Variants in IL4R observed in about 807,000 individuals in gnomAD.
IL4R encodes interleukin 4 receptor.
IL4R carries 17 observed loss-of-function variants against 41.5 expected under a neutral mutation model. The observed-to-expected ratio is 0.41, with a 90% confidence interval of 0.28 to 0.61. The LOEUF is 0.61. Ranked by LOEUF, IL4R falls within the 20% of genes least tolerant of loss-of-function variation. IL4R has a pLI of 0.31. For synonymous variants in IL4R, 402 were observed against 422.9 expected (o/e 0.95, Z 0.61); for missense variants, 974 against 1,043.1 (o/e 0.93, Z 0.91).
Position 27,352,629 on chromosome 16 carries a change from G to A in IL4R, c.603G>A (p.Val201=), listed in dbSNP as rs776870422. 9 of 1,614,208 alleles carry A rather than the reference G, an allele frequency of 5.6e-6. No individual in the cohort carries two copies. The highest frequency in any genetic ancestry group is 7.6e-6 in the Non-Finnish European group (9 of 1,180,020). ...CTGGGATTTCCTACAGGGCACGGGT[G>A]AGGGCCTGGGCTCAGTGCTATAACA... The part of the protein sequence containing the change: ...LKSGISYRAR[V]RAWAQCYNTT... The change falls in exon 7 of 11, where the codon GTG becomes GTA. Residue 201 remains valine, a synonymous_variant. Transcript: ENST00000395762.
chr16:27,348,446 C>T (rs1038953189), intron 6 of IL4R, among the ~76,000 whole-genome samples: 3 of 152,188 alleles, frequency 2.0e-5, no homozygotes, highest in Admixed American at 6.5e-5. Context: ...ATTTCTAGAT[C>T]TGCCTTCAGG....
At chr16:27,336,001 G>A (rs1461369903) in intron 2 of IL4R, among the ~76,000 whole-genome samples, 2 of 152,084 alleles carry the variant, frequency 1.3e-5, no homozygotes, top group African/African-American at 4.8e-5. Context: ...GCACACTGAG[G>A]TATTGGGGTA....
At chr16:27,314,140 A>T in intron 1 of IL4R, 120 bp downstream of exon 1, 1 of 950,094 alleles carries the variant, frequency 1.1e-6, no homozygotes, top group Non-Finnish European at 1.3e-6. Flanking sequence ...CCCGACTCCG[A>T]GCGGGGCCCG....
In IL4R at chr16:27,345,325, T is replaced by C; in HGVS notation, c.361+305T>C. The C allele has an allele frequency of 2.0e-6, 1 of 490,696 alleles. No homozygotes were observed. Among genetic ancestry groups the C allele is most frequent in the Non-Finnish European group, 3.9e-6 (1 of 254,638 alleles). The allele number at this position is 490,696 out of a possible 1,614,324, so 30.4% of individuals were successfully genotyped here. On this transcript the variant is annotated intron_variant, in intron 5 of 10. Transcript: ENST00000395762. This position sits in a 1 kb window ranked among gnomAD's most constrained non-coding sequence, Gnocchi z 4.5. Reference sequence around the variant, plus strand: ...TGCTGGAAGGCATGCCTGCTGCTGATTGAAAACCGAACTGGGAACATTCCT... The same window carrying C: ...TGCTGGAAGGCATGCCTGCTGCTGACTGAAAACCGAACTGGGAACATTCCT...
At position 27,363,346 on chromosome 16, in the gene IL4R, C is replaced by T. The variant is rs372491173; in HGVS notation, c.1994C>T (p.Pro665Leu). ...FGLDREPPRS[P>L]QSSHLPSSSP... ...CTGGACAGGGAGCCACCTCGCAGTC[C>T]GCAGAGCTCACATCTCCCAAGCAGC... is the stretch of plus-strand genomic sequence containing the variant. Residue 665 changes from proline to leucine, a missense_variant, in exon 11 of 11, where the codon CCG becomes CTG. Physicochemically the swap from Pro to Leu is moderately conservative, Grantham distance 98. Transcript: ENST00000395762. 5.5e-5 allele frequency: 88 copies of T among 1,613,838 alleles called. No homozygotes were observed. The highest frequency in any genetic ancestry group is 2.9e-4 in the East Asian group (13 of 44,886).
intron 2 of IL4R, among the ~76,000 whole-genome samples, chr16:27,338,257 G>A (rs1431926372): frequency 6.6e-6 from 1 of 150,814 alleles, no homozygotes. Flanking sequence ...TTTATGACAG[G>A]GTCTTGCTGG....
chr16:27,337,884 TATGTACCA>T (rs1371109279), intron 2 of IL4R, among the ~76,000 whole-genome samples: 1 of 151,660 alleles, frequency 6.6e-6, no homozygotes, highest in Non-Finnish European at 1.5e-5. Flanking sequence ...TATTTGACGT[TATGTACCA>T]GGAGTGCTGG....
At chr16:27,337,924 C>T (rs1357204323) in intron 2 of IL4R, among the ~76,000 whole-genome samples, 6 of 150,722 alleles carry the variant, frequency 4.0e-5, no homozygotes, top group African/African-American at 7.3e-5. Context: ...CACTTGACTC[C>T]GTGAGATTCT....
chr16:27,362,745 C>A lies in IL4R; in HGVS notation c.1393C>A (p.Leu465Ile), dbSNP rs1322247859. ...ACCTCCCTGGGGCAAGGAGCAGCCT[C>A]TCCACCTGGAGCCAAGTCCTCCTGC... ...EAPPWGKEQP[L>I]HLEPSPPASP... is the part of the protein sequence containing the mutation. The change falls in exon 11 of 11, where the codon CTC (leucine) becomes ATC (isoleucine). Residue 465 changes from leucine (L) to isoleucine (I), a missense_variant. This residue lies in a region of IL4R where 682 missense variants were observed against 704.3 expected (regional missense o/e 0.97). Transcript: ENST00000395762. The A allele has an allele frequency of 2.5e-6, 4 of 1,614,006 alleles. No homozygotes were observed. The Admixed American group carries it at 6.7e-5, about 27-fold the overall frequency.
rs2086410916 is a variant in IL4R, at chr16:27,363,999, G to A, written c.*169G>A. 1.3e-6 allele frequency: 1 copy of A among 746,334 alleles called. No homozygotes were observed. The highest frequency in any genetic ancestry group is 2.2e-6 in the Non-Finnish European group (1 of 460,944). The allele number at this position is 746,334 out of a possible 1,614,324, so 46.2% of individuals were successfully genotyped here. On this transcript the variant is annotated 3_prime_UTR_variant, in exon 11 of 11. Coordinates refer to ENST00000395762, the MANE Select transcript of IL4R (RefSeq NM_000418.4). ...GACGTTGGCCTAACACTGGGCTGCA[G>A]AGACTGGACCCCGCCCAGCATTGGG...
intron 1 of IL4R, among the ~76,000 whole-genome samples, chr16:27,317,988 T>G (rs1490407543): frequency 1.3e-5 from 2 of 152,224 alleles, no homozygotes; most frequent in African/African-American, 4.8e-5. Flanking sequence ...ACCAAGTCCT[T>G]TGCTCTCCTG....
At chr16:27,352,242 A>G (rs1302962961) in intron 6 of IL4R, among the ~76,000 whole-genome samples, 2 of 152,236 alleles carry the variant, frequency 1.3e-5, no homozygotes, top group African/African-American at 4.8e-5. Flanking sequence ...AGGAAGTGGT[A>G]GTAGGGACTC....
rs2085612708 is a variant in IL4R, at chr16:27,345,562, T to C, written c.361+542T>C. The C allele has an allele frequency of 4.5e-6, 1 of 223,400 alleles. No individual in the cohort carries two copies. Among genetic ancestry groups the C allele is most frequent in the African/African-American group, 2.3e-5 (1 of 44,278 alleles). 13.8% of individuals were successfully genotyped at this position (223,400 alleles called of 1,614,324 possible). ...AAACCTGAGGTCTCATGGATATGAT[T>C]GCTTCAAAGGAGACCAAGTTTTAAA... On this transcript the variant is annotated intron_variant, in intron 5 of 10. Transcript: ENST00000395762. The surrounding 1 kb of genome is among the most constrained non-coding windows in gnomAD (Gnocchi z 4.5).
At position 27,362,719 on chromosome 16, in the gene IL4R, C is replaced by T; in HGVS notation, c.1367C>T (p.Ala456Val). Residue 456 changes from alanine to valine, a missense_variant, in exon 11 of 11, where the codon GCA (alanine) becomes GTA (valine). Around this residue, in one of 3 missense-constraint regions of IL4R, gnomAD observed 682 missense variants for 704.3 expected, o/e 0.97. Coordinates refer to ENST00000395762, the MANE Select transcript of IL4R (RefSeq NM_000418.4). Reference protein sequence around the residue: ...DEFPSAGPKEAPPWGKEQPLH... With the variant: ...DEFPSAGPKEVPPWGKEQPLH... ...TTCCCAAGTGCAGGGCCCAAGGAGGCACCTCCCTGGGGCAAGGAGCAGCCT... is the reference window on the plus strand; with the variant it reads ...TTCCCAAGTGCAGGGCCCAAGGAGGTACCTCCCTGGGGCAAGGAGCAGCCT... 6.2e-7 allele frequency: 1 copy of T among 1,614,084 alleles called. No homozygotes were observed. The highest frequency in any genetic ancestry group is 8.5e-7 in the Non-Finnish European group (1 of 1,179,990).
chr16:27,323,842 A>T (rs2084881144), intron 1 of IL4R, among the ~76,000 whole-genome samples: 1 of 151,940 alleles, frequency 6.6e-6, no homozygotes, highest in South Asian at 2.1e-4. Context: ...TATTTTTGGT[A>T]GAGACGGGGT....
rs371810180 is a variant in IL4R at position 27,345,834 on chromosome 16, T to C, written c.362-633T>C. Among the ~76,000 whole-genome samples the C allele has an allele frequency of 2.6e-5, 4 of 151,966 alleles. No individual in the cohort carries two copies. The East Asian group carries it at 5.8e-4, about 22-fold the overall frequency. ...AAAAATACAAAAAATTAGTCTGGCA[T>C]GGTGGCAGGCGCCTGTAATCCCAGC... On this transcript the variant is annotated intron_variant, in intron 5 of 10. Transcript: ENST00000395762. The surrounding 1 kb of genome is among the most constrained non-coding windows in gnomAD (Gnocchi z 4.5).
At chr16:27,327,146 C>G (rs958851350) in intron 1 of IL4R, among the ~76,000 whole-genome samples, 5 of 152,264 alleles carry the variant, frequency 3.3e-5, no homozygotes, top group Admixed American at 1.3e-4. Flanking sequence ...CCCCAGCCCC[C>G]ACCCGAGGCC....
chr16:27,338,995 C>A (rs958056952), intron 2 of IL4R, among the ~76,000 whole-genome samples: 1 of 151,984 alleles, frequency 6.6e-6, no homozygotes, highest in African/African-American at 2.4e-5. Flanking sequence ...GCTGGAATTA[C>A]AGGTGCCCGC....
rs115272172 is a variant in IL4R at position 27,336,207 on chromosome 16, C to T, written c.-18-3979C>T. On this transcript the variant is annotated intron_variant, in intron 2 of 10. Coordinates refer to ENST00000395762, the MANE Select transcript of IL4R (RefSeq NM_000418.4). Reference sequence around the variant, plus strand: ...ACACTTGCATTAGCCTACAGTTGGGCAAAGTCATCTAACACAAAGCCTGTT... The same window carrying T: ...ACACTTGCATTAGCCTACAGTTGGGTAAAGTCATCTAACACAAAGCCTGTT... Among the ~76,000 whole-genome samples the T allele has an allele frequency of 7.4e-3, 1,128 of 152,216 alleles. 15 individuals are homozygous for T. The highest frequency in any genetic ancestry group is 0.025 in the African/African-American group (1,052 of 41,554).
Sources: gnomAD v4.1 joint callset for allele counts (sites outside exome capture counted in the v4.1 genomes callset) on GRCh38, gnomAD v4.1.1 for gene constraint, gnomAD v4.1.1 regional missense constraint, Gnocchi (gnomAD v3.1) non-coding constraint, MANE v1.5 for transcripts, NCBI Gene and HGNC (gene_info 2026-07-23, HGNC 2026-07-21) for gene names.